The following WWP1 variants were observed in gnomAD, a reference collection of about 807,000 sequenced individuals.
WWP1 encodes the protein WW domain containing E3 ubiquitin protein ligase 1.
Under a neutral mutation model 130.6 loss-of-function variants are expected in WWP1, and 49 were observed. The observed-to-expected ratio is 0.38, with a 90% CI of 0.30 to 0.48. WWP1 has a LOEUF of 0.48. WWP1 is among the 20% of genes least tolerant of loss of function. WWP1 has a pLI of 0.99. For synonymous variants in WWP1, 332 were observed against 367.8 expected, an observed-to-expected ratio of 0.90 and a Z score of 1.11; for missense variants, 809 against 1,100.6, an observed-to-expected ratio of 0.74 and a Z score of 3.75.
chr8:86,438,692 A>G lies in WWP1; in HGVS notation c.1838+19A>G. On this transcript the variant is annotated intron_variant, in intron 17 of 24. Coordinates refer to ENST00000517970, the MANE Select transcript of WWP1 (RefSeq NM_007013.4). The stretch of plus-strand genomic sequence containing the variant: ...TAGCGAGGTAAAATAAAAAACACAT[A>G]TCTGCCTTGAAATAAGTATATCTCA... The G allele has an allele frequency of 1.3e-6, 2 of 1,565,778 alleles. No individual in the cohort carries two copies. Among genetic ancestry groups the G allele is most frequent in the Admixed American group, 1.9e-5 (1 of 52,734 alleles).
At chr8:86,444,214 A>T (rs572838739) in intron 18 of WWP1, among the ~76,000 whole-genome samples, 1 of 152,304 alleles carries the variant, frequency 6.6e-6, no homozygotes, top group African/African-American at 2.4e-5. Flanking sequence ...TTTCTGACAG[A>T]TTAGATGCAG....
intron 9 of WWP1, among the ~76,000 whole-genome samples, chr8:86,418,169 T>C (rs1216968930): frequency 1.3e-5 from 2 of 152,168 alleles, no homozygotes; most frequent in East Asian, 3.8e-4. Flanking sequence ...TGACCAAATA[T>C]TTAATCGACA....
intron 8 of WWP1, among the ~76,000 whole-genome samples, chr8:86,403,020 C>T (rs1808085061): frequency 6.6e-6 from 1 of 152,168 alleles, no homozygotes; most frequent in Admixed American, 6.5e-5. Context: ...AAGATGTCCT[C>T]TATAATCCTT....
At chr8:86,454,266 A>G (rs575076373) in intron 21 of WWP1, among the ~76,000 whole-genome samples, 1 of 152,266 alleles carries the variant, frequency 6.6e-6, no homozygotes, top group Non-Finnish European at 1.5e-5. Context: ...TATGGTAAAT[A>G]GTTGTTATAC....
chr8:86,420,838 T>G (rs1809163865), intron 9 of WWP1, among the ~76,000 whole-genome samples: 1 of 152,164 alleles, frequency 6.6e-6, no homozygotes, highest in Non-Finnish European at 1.5e-5. Context: ...TGATAAAAAA[T>G]TAAAGCTAAA....
chr8:86,362,777 A>G (rs1322932781), intron 1 of WWP1, among the ~76,000 whole-genome samples: 1 of 152,150 alleles, frequency 6.6e-6, no homozygotes, highest in Non-Finnish European at 1.5e-5. Flanking sequence ...GATCGAGTGT[A>G]GTGTCTTTTT....
chr8:86,369,725 A>T, intron 2 of WWP1, among the ~76,000 whole-genome samples: 1 of 152,160 alleles, frequency 6.6e-6, no homozygotes, highest in East Asian at 1.9e-4. Flanking sequence ...ATCTTCACCT[A>T]TCCTTAAATC....
intron 1 of WWP1, among the ~76,000 whole-genome samples, chr8:86,366,291 A>C (rs553679231): frequency 6.6e-6 from 1 of 152,206 alleles, no homozygotes. Flanking sequence ...AGTTGTTGGC[A>C]TAGATGCAGA....
At chr8:86,362,953 G>T (rs987371617) in intron 1 of WWP1, among the ~76,000 whole-genome samples, 2 of 151,882 alleles carry the variant, frequency 1.3e-5, no homozygotes, top group East Asian at 3.9e-4. Flanking sequence ...ATTGTTTCTC[G>T]TATTTAATAT....
intron 18 of WWP1, among the ~76,000 whole-genome samples, chr8:86,446,620 T>A (rs538148837): frequency 4.6e-5 from 7 of 152,208 alleles, no homozygotes; most frequent in Non-Finnish European, 1.0e-4. Flanking sequence ...AAGTATTTAA[T>A]CCATCTTGAG....
At position 86,376,568 on chromosome 8, in the gene WWP1, C is replaced by CA. The variant is rs923317154; in HGVS notation, c.70+2458dup. 3.6e-4 allele frequency among the ~76,000 whole-genome samples: 50 copies of CA among 140,748 alleles called. 1 individual carries two copies. The highest frequency in any genetic ancestry group is 3.7e-3 in the Middle Eastern group (1 of 268). 92.3% of individuals were successfully genotyped at this position (140,748 alleles called of 152,430 possible). A position where few individuals can be genotyped will look rare whatever the true frequency, so the allele number is the denominator to read the frequency against. On this transcript the variant is annotated intron_variant, in intron 3 of 24. Coordinates refer to ENST00000517970, the MANE Select transcript of WWP1 (RefSeq NM_007013.4). Reference sequence around the variant, plus strand: ...TGGGGGATAAAGTGAGGCTCTGTCTCAAAAAAAAAAGAAAGAAAAAGAAAA... The same window carrying CA: ...TGGGGGATAAAGTGAGGCTCTGTCTCAAAAAAAAAAAGAAAGAAAAAGAAAA...
At chr8:86,366,803 G>T (rs118022824) in intron 1 of WWP1, among the ~76,000 whole-genome samples, 1 of 152,096 alleles carries the variant, frequency 6.6e-6, no homozygotes, top group Admixed American at 6.5e-5. Context: ...AAACTGGGAC[G>T]AGTTGGTCAC....
At position 86,384,652 on chromosome 8, in the gene WWP1, A is replaced by G. The variant is rs117268229; in HGVS notation, c.334+3023A>G. Among the ~76,000 whole-genome samples, 158 of 152,304 alleles carry G rather than the reference A, an allele frequency of 1.0e-3. 2 individuals are homozygous for G. The highest frequency in any genetic ancestry group is 5.4e-3 in the Admixed American group (83 of 15,304). On this transcript the variant is annotated intron_variant, in intron 5 of 24. Coordinates refer to ENST00000517970, the MANE Select transcript of WWP1 (RefSeq NM_007013.4). ...CTTGGACTCTGAGTTTTAGTTGGCT[A>G]TCAGTTGAATGAGCTCTACTTAAAT...
chr8:86,396,679 G>A (rs937885591), intron 5 of WWP1, among the ~76,000 whole-genome samples: 2 of 149,770 alleles, frequency 1.3e-5, no homozygotes, highest in African/African-American at 4.9e-5. Context: ...CTGCAGCCTC[G>A]AACTCCTGGG....
chr8:86,397,268 C>G (rs1807730323), intron 5 of WWP1, among the ~76,000 whole-genome samples: 1 of 152,124 alleles, frequency 6.6e-6, no homozygotes, highest in Admixed American at 6.5e-5. Flanking sequence ...TATTTGGCCT[C>G]AGTTTGAATA....
chr8:86,449,026 G>T (rs571240452), intron 20 of WWP1, among the ~76,000 whole-genome samples: 7 of 150,460 alleles, frequency 4.7e-5, no homozygotes, highest in African/African-American at 1.7e-4. Flanking sequence ...TTTTTGTAAA[G>T]ATAGGGTCTC....
intron 5 of WWP1, among the ~76,000 whole-genome samples, chr8:86,390,521 C>T (rs994287316): frequency 1.3e-5 from 2 of 152,164 alleles, no homozygotes; most frequent in African/African-American, 2.4e-5. Flanking sequence ...GGCGAAACCC[C>T]GTCTCCACCA....
At chr8:86,362,851 A>G (rs926461782) in intron 1 of WWP1, among the ~76,000 whole-genome samples, 4 of 152,224 alleles carry the variant, frequency 2.6e-5, no homozygotes, top group African/African-American at 9.6e-5. Flanking sequence ...AAAGCACCTC[A>G]GTGTTTAGAA....
intron 12 of WWP1, 126 bp downstream of exon 12, chr8:86,430,877 AAC>A (rs1809918539): frequency 8.1e-6 from 2 of 245,426 alleles, no homozygotes; most frequent in East Asian, 2.2e-4. Context: ...TATGTCCCTT[AAC>A]ATATATATAT....
Sources: gnomAD v4.1 joint callset for allele counts (sites outside exome capture counted in the v4.1 genomes callset) on GRCh38, gnomAD v4.1.1 for gene constraint, MANE v1.5 for transcripts, NCBI Gene and HGNC (gene_info 2026-07-23, HGNC 2026-07-21) for gene names.